The following ADGRA1 variants were observed in gnomAD, a reference collection of about 807,000 sequenced individuals.
The protein encoded by ADGRA1 is G-protein coupled receptor 123.
ADGRA1 carries 12 observed loss-of-function variants against 21.3 expected under a neutral mutation model. That is an observed-to-expected ratio of 0.56 (90% CI 0.36 to 0.91). The LOEUF is 0.91. Among genes scored for constraint, ADGRA1 ranks in the 40% least tolerant of loss-of-function variants. The pLI is 0.01. For synonymous variants in ADGRA1, 385 were observed against 368.8 expected (o/e 1.04, Z -0.50); for missense variants, 790 against 805.6 (o/e 0.98, Z 0.23).
intron 5 of ADGRA1, among the ~76,000 whole-genome samples, chr10:133,120,524 AC>A (rs1308959437): frequency 2.6e-5 from 4 of 152,230 alleles, no homozygotes; most frequent in Admixed American, 1.3e-4. Context: ...CCTCACCTGC[AC>A]TTTTACGTTA....
At chr10:133,116,938 A>C (rs1181278813) in intron 5 of ADGRA1, among the ~76,000 whole-genome samples, 1 of 151,906 alleles carries the variant, frequency 6.6e-6, no homozygotes, top group Admixed American at 6.6e-5. Context: ...GAGGGCGGGG[A>C]GGGTAAAGGG....
At chr10:133,122,479 G>C (rs1194229047) in intron 5 of ADGRA1, among the ~76,000 whole-genome samples, 1 of 152,252 alleles carries the variant, frequency 6.6e-6, no homozygotes, top group African/African-American at 2.4e-5. Flanking sequence ...GGCAGGGTCA[G>C]CTGCAGGTGC....
At chr10:133,122,269 A>G (rs1227172025) in intron 5 of ADGRA1, among the ~76,000 whole-genome samples, 1 of 152,236 alleles carries the variant, frequency 6.6e-6, no homozygotes, top group Non-Finnish European at 1.5e-5. Context: ...AGAGGTGTGC[A>G]GCATCAGCCA....
At chr10:133,093,663 G>A (rs1272967115) in intron 2 of ADGRA1, among the ~76,000 whole-genome samples, 2 of 152,160 alleles carry the variant, frequency 1.3e-5, no homozygotes, top group Non-Finnish European at 2.9e-5. Flanking sequence ...ACCTTCATCC[G>A]CCCCTTCCCA....
At chr10:133,092,291 A>G (rs1005373732) in intron 2 of ADGRA1, among the ~76,000 whole-genome samples, 4 of 152,218 alleles carry the variant, frequency 2.6e-5, no homozygotes, top group African/African-American at 9.6e-5. Flanking sequence ...TACTTCCTTC[A>G]TCTCACAGAT....
In ADGRA1 at chr10:133,129,114, A is replaced by G; in HGVS notation, c.1286A>G (p.His429Arg). The stretch of plus-strand genomic sequence containing the variant: ...ACTAAGCCGCCCTACTTTAGCCGGC[A>G]CCCAGCAGAGGAGCCCGAGTACGCC... ...GRTKPPYFSR[H>R]PAEEPEYAYH... is the part of the protein sequence containing the mutation. Residue 429 changes from histidine (H) to arginine (R), a missense_variant, in exon 7 of 7, where the codon CAC becomes CGC. By Grantham distance (29) the His-to-Arg change is conservative. Transcript: ENST00000392607. 1 of 1,552,742 alleles carries G rather than the reference A, an allele frequency of 6.4e-7. No homozygotes were observed.
At chr10:133,127,462 C>A in intron 6 of ADGRA1, 131 bp downstream of exon 6, 1 of 685,592 alleles carries the variant, frequency 1.5e-6, no homozygotes, top group Non-Finnish European at 2.5e-6. Flanking sequence ...TGGGGCTTGC[C>A]GAGAGCTGCG....
At chr10:133,102,355 C>T (rs532485582) in intron 4 of ADGRA1, 53 of 518,058 alleles carry the variant, frequency 1.0e-4, no homozygotes, top group South Asian at 5.6e-4. Context: ...GCTCAGGGGA[C>T]GTTGGTCTGC....
At chr10:133,128,259 T>G (rs990177184) in intron 6 of ADGRA1, 70 bp from the exon 7 acceptor site, 1 of 1,243,106 alleles carries the variant, frequency 8.0e-7, no homozygotes, top group African/African-American at 1.6e-5. Context: ...CAGGGCCCTT[T>G]GCTCTGCAGG....
At chr10:133,095,888 G>A in intron 2 of ADGRA1, 1 of 1,357,018 alleles carries the variant, frequency 7.4e-7, no homozygotes, top group Non-Finnish European at 9.9e-7. Context: ...GCCTCCTCCT[G>A]CCCCGATGCC....
Position 133,088,859 on chromosome 10 carries a change from C to T in ADGRA1, c.-51C>T. The T allele has an allele frequency of 8.1e-7, 1 of 1,237,558 alleles. No homozygotes were observed. Among genetic ancestry groups the T allele is most frequent in the Non-Finnish European group, 1.0e-6 (1 of 988,084 alleles). The allele number at this position is 1,237,558 out of a possible 1,614,324, so 76.7% of individuals were successfully genotyped here. Reference sequence around the variant, plus strand: ...GCAGGGCGCCACCTGATCGCCTCCCCCTGGACGCCTCCTCCAGCGGCGCTC... The same window carrying T: ...GCAGGGCGCCACCTGATCGCCTCCCTCTGGACGCCTCCTCCAGCGGCGCTC... On this transcript the variant is annotated 5_prime_UTR_variant, in exon 2 of 7. Coordinates refer to ENST00000392607, the MANE Select transcript of ADGRA1 (RefSeq NM_001083909.3).
intron 4 of ADGRA1, among the ~76,000 whole-genome samples, chr10:133,100,761 C>T (rs909466867): frequency 6.6e-6 from 1 of 152,240 alleles, no homozygotes; most frequent in Non-Finnish European, 1.5e-5. Context: ...GCTGTGGGCA[C>T]TAGGGCACTG....
intron 5 of ADGRA1, among the ~76,000 whole-genome samples, chr10:133,121,958 A>AT (rs1852276482): frequency 2.6e-5 from 3 of 114,288 alleles, no homozygotes; most frequent in African/African-American, 1.0e-4. Context: ...TGCTTGTGTG[A>AT]GTGTGCATGC....
In ADGRA1 at chr10:133,128,851, C is replaced by T. The variant is rs756880348; in HGVS notation, c.1023C>T (p.Ala341=). 7.6e-6 allele frequency: 12 copies of T among 1,585,454 alleles called. No individual in the cohort carries two copies. In the Admixed American group the frequency reaches 8.7e-5, roughly 11 times the overall value. ...CCAACGGGGCCGCGCTGGGCCGCGC[C>T]GCCTGCCTGCACTCGCCGGGACTGG... ...LDANGAALGR[A]ACLHSPGLGQ... is the part of the protein sequence containing the mutation. Residue 341 remains alanine, a synonymous_variant, in exon 7 of 7, where the codon GCC becomes GCT. Coordinates refer to ENST00000392607, the MANE Select transcript of ADGRA1 (RefSeq NM_001083909.3).
chr10:133,119,418 A>G (rs957439791), intron 5 of ADGRA1, among the ~76,000 whole-genome samples: 1 of 152,198 alleles, frequency 6.6e-6, no homozygotes, highest in East Asian at 1.9e-4. Context: ...CAACAATGAC[A>G]TTTGCCACAT....
chr10:133,129,202 C>T lies in ADGRA1; in HGVS notation c.1374C>T (p.Ser458=). The T allele has an allele frequency of 6.5e-7, 1 of 1,550,346 alleles. No homozygotes were observed. Among genetic ancestry groups the T allele is most frequent in the Non-Finnish European group, 8.7e-7 (1 of 1,147,004 alleles). The change falls in exon 7 of 7, where the codon AGC becomes AGT. Residue 458 remains serine (S), a synonymous_variant. Coordinates refer to ENST00000392607, the MANE Select transcript of ADGRA1 (RefSeq NM_001083909.3). Reference sequence around the variant, plus strand: ...GCTCGCGCACAGACAGCCCCCCCAGCTCTCTGGATGGCCCGGCGGGGACAC... The same window carrying T: ...GCTCGCGCACAGACAGCCCCCCCAGTTCTCTGGATGGCCCGGCGGGGACAC... ...PRSSRTDSPP[S]SLDGPAGTHT... is the part of the protein sequence containing the mutation.
At chr10:133,117,718 C>T (rs1314131916) in intron 5 of ADGRA1, among the ~76,000 whole-genome samples, 4 of 152,252 alleles carry the variant, frequency 2.6e-5, no homozygotes, top group African/African-American at 4.8e-5. Context: ...GTTCTGCACA[C>T]GTGACCTCAG....
chr10:133,095,779 A>G, intron 2 of ADGRA1: 1 of 1,598,454 alleles, frequency 6.3e-7, no homozygotes, highest in Non-Finnish European at 8.5e-7. Context: ...ATCCCGACAC[A>G]GGTGACACTG....
At chr10:133,114,799 G>A (rs1436648278) in intron 5 of ADGRA1, among the ~76,000 whole-genome samples, 1 of 152,168 alleles carries the variant, frequency 6.6e-6, no homozygotes, top group East Asian at 1.9e-4. Flanking sequence ...TGAAGGTGCC[G>A]GGGCCGTCTC....
Sources: gnomAD v4.1 joint callset for allele counts (sites outside exome capture counted in the v4.1 genomes callset) on GRCh38, gnomAD v4.1.1 for gene constraint, MANE v1.5 for transcripts, NCBI Gene and HGNC (gene_info 2026-07-23, HGNC 2026-07-21) for gene names.